DLG5: variants seen among roughly 807,000 people sequenced by gnomAD.
The protein encoded by DLG5 is discs large MAGUK scaffold protein 5, also known as disks large homolog 5.
A neutral mutation model predicts 189.8 loss-of-function variants in DLG5; 48 were observed. The observed-to-expected ratio is 0.25, with a 90% confidence interval of 0.20 to 0.32. The LOEUF (loss-of-function observed/expected upper bound fraction) is 0.32. Ranked by LOEUF, DLG5 falls within the 10% of genes least tolerant of loss-of-function variation. The pLI is 1.00. For missense variants in DLG5, 2,160 were observed against 2,544.7 expected (o/e 0.85, Z 3.25); for synonymous variants, 1,016 against 1,054.1 (o/e 0.96, Z 0.70).
At chr10:77,813,180 C>T (rs1841868433) in intron 20 of DLG5, among the ~76,000 whole-genome samples, 1 of 152,238 alleles carries the variant, frequency 6.6e-6, no homozygotes, top group African/African-American at 2.4e-5. Context: ...GTTGGGACTT[C>T]ACGCCACTCA....
At chr10:77,820,354 A>G in intron 15 of DLG5, 2 of 189,084 alleles carry the variant, frequency 1.1e-5, no homozygotes, top group South Asian at 1.1e-4. Flanking sequence ...TTAGGGGAAA[A>G]AAAAAAAAAA....
chr10:77,933,590 G>A, the DLG5 span, among the ~76,000 whole-genome samples: 7 of 152,100 alleles, frequency 4.6e-5, no homozygotes, highest in Middle Eastern at 3.4e-3. Flanking sequence ...CACGGTGCCC[G>A]GCTTATCAGC....
chr10:77,827,636 G>A (rs1842702600), intron 13 of DLG5, among the ~76,000 whole-genome samples: 1 of 152,216 alleles, frequency 6.6e-6, no homozygotes, highest in South Asian at 2.1e-4. Flanking sequence ...TGTCTCCAGA[G>A]GCTCTGTGCA....
intron 31 of DLG5, 66 bp downstream of exon 31, chr10:77,793,942 A>G: frequency 6.9e-7 from 1 of 1,444,066 alleles, no homozygotes; most frequent in South Asian, 1.1e-5. Flanking sequence ...CTAAGAAAAC[A>G]GCCTTAGGAA....
At chr10:77,846,614 T>C in intron 5 of DLG5, 1 of 435,746 alleles carries the variant, frequency 2.3e-6, no homozygotes, top group Non-Finnish European at 4.6e-6. Flanking sequence ...GGAGAATTAC[T>C]TGAACCCAGG....
chr10:77,841,833 G>A (rs543206251), intron 7 of DLG5, 48 bp downstream of exon 7: 1 of 1,568,730 alleles, frequency 6.4e-7, no homozygotes, highest in South Asian at 1.2e-5. Flanking sequence ...CCTCTTCCCG[G>A]GATGCTGTAG....
In DLG5 at chr10:77,815,030, C is replaced by T. The variant is rs74140355; in HGVS notation, c.4025+1521G>A. On this transcript the variant is annotated intron_variant, in intron 20 of 31. Coordinates refer to ENST00000372391, the MANE Select transcript of DLG5 (RefSeq NM_004747.4). ...CTAACCACCGTGAGGGCAGGAGTCA[C>T]TCACATTTTTCTCCCTCCTGGAGCA... is the stretch of plus-strand genomic sequence containing the variant. Among the ~76,000 whole-genome samples, 1,508 of 152,250 alleles carry T rather than the reference C, an allele frequency of 9.9e-3. 25 individuals are homozygous for T. The highest frequency in any genetic ancestry group is 0.034 in the African/African-American group (1,410 of 41,558).
chr10:77,835,897 G>A lies in DLG5; in HGVS notation c.1463C>T (p.Ala488Val), dbSNP rs1843106240. 2 of 1,613,442 alleles carry A rather than the reference G, an allele frequency of 1.2e-6. No individual in the cohort carries two copies. Among genetic ancestry groups the A allele is most frequent in the South Asian group, 1.1e-5 (1 of 91,052 alleles). Residue 488 changes from alanine to valine, a missense_variant, in exon 8 of 32, where the codon GCT (alanine) becomes GTT (valine). Ala to Val is a moderately conservative substitution (Grantham distance 64, BLOSUM62 0). Transcript: ENST00000372391. ...RQIKDTVTMD[A>V]GRANKEVEIL... ...TTCAACCTCCTTGTTGGCTCTCCCA[G>A]CATCCATTGTCACCGTGTCTTTGAT...
intron 1 of DLG5, among the ~76,000 whole-genome samples, chr10:77,876,958 GCT>G (rs752070518): frequency 1.9e-4 from 29 of 151,230 alleles, no homozygotes; most frequent in Non-Finnish European, 2.7e-4. Flanking sequence ...AAACTTCTAG[GCT>G]CAAGCAATCT....
intron 1 of DLG5, among the ~76,000 whole-genome samples, chr10:77,887,106 A>G (rs1466573221): frequency 1.3e-5 from 2 of 152,218 alleles, no homozygotes; most frequent in Non-Finnish European, 2.9e-5. Context: ...CAATACAGAC[A>G]TCACCCACAT....
intron 1 of DLG5, among the ~76,000 whole-genome samples, chr10:77,913,044 C>T (rs1846268098): frequency 6.6e-6 from 1 of 152,064 alleles, no homozygotes; most frequent in Admixed American, 6.6e-5. Context: ...TGGCTCTCAC[C>T]TAAGAGTGCA....
At chr10:77,888,293 A>G (rs1845501980) in intron 1 of DLG5, among the ~76,000 whole-genome samples, 1 of 152,206 alleles carries the variant, frequency 6.6e-6, no homozygotes, top group Non-Finnish European at 1.5e-5. Context: ...CCTCCTGGGC[A>G]GCAGCCTCAG....
chr10:77,919,757 T>C (rs1254297829), intron 1 of DLG5, among the ~76,000 whole-genome samples: 1 of 152,064 alleles, frequency 6.6e-6, no homozygotes, highest in East Asian at 1.9e-4. Flanking sequence ...CAGTACCTGA[T>C]GGGCAACCTT....
At position 77,817,758 on chromosome 10, in the gene DLG5, G is replaced by T; in HGVS notation, c.3784+19C>A. The T allele has an allele frequency of 1.3e-6, 2 of 1,547,796 alleles. No individual in the cohort carries two copies. Among genetic ancestry groups the T allele is most frequent in the African/African-American group, 2.7e-5 (2 of 73,130 alleles). On this transcript the variant is annotated intron_variant, in intron 18 of 31. Transcript: ENST00000372391. ...AGCTTGGCACCCTCTGCAGCACAAA[G>T]TCCAAGTGGTGCAGTTACCCAGGCG...
At chr10:77,843,807 G>A in intron 5 of DLG5, 101 bp from the exon 6 acceptor site, 9 of 1,495,760 alleles carry the variant, frequency 6.0e-6, no homozygotes, top group Non-Finnish European at 5.5e-6. Context: ...CTGATGACAA[G>A]GCGGTTGGGG....
intron 1 of DLG5, among the ~76,000 whole-genome samples, chr10:77,924,260 C>T (rs554506555): frequency 6.6e-6 from 1 of 152,302 alleles, no homozygotes; most frequent in South Asian, 2.1e-4. Context: ...TCACATAACT[C>T]TGCATTGTGG....
chr10:77,905,427 T>C (rs1321372424), intron 1 of DLG5, among the ~76,000 whole-genome samples: 2 of 152,372 alleles, frequency 1.3e-5, no homozygotes, highest in Non-Finnish European at 2.9e-5. Flanking sequence ...CAAGCACTGC[T>C]GATGCATATT....
At chr10:77,798,992 T>C (rs1031539151) in intron 27 of DLG5, among the ~76,000 whole-genome samples, 2 of 152,212 alleles carry the variant, frequency 1.3e-5, no homozygotes, top group African/African-American at 2.4e-5. Flanking sequence ...AAAATGTTAA[T>C]GGTTAAAAAA....
Position 77,854,318 on chromosome 10 carries a change from G to A in DLG5, c.589C>T (p.Arg197Ter). The A allele has an allele frequency of 3.7e-6, 6 of 1,613,984 alleles. No homozygotes were observed. Among genetic ancestry groups the A allele is most frequent in the Non-Finnish European group, 4.2e-6 (5 of 1,180,040 alleles). ...DYERLKIQCV[R>*]AMSDLQSLQN... ...AGGCTCTGCAGGTCCGACATGGCTCGCACGCACTGGATCTTCAGCCTCTCA... is the reference window on the plus strand; with the variant it reads ...AGGCTCTGCAGGTCCGACATGGCTCACACGCACTGGATCTTCAGCCTCTCA... Residue 197 changes from arginine to a stop codon, truncating the protein, a stop_gained, in exon 4 of 32, where the codon CGA becomes TGA. Coordinates refer to ENST00000372391, the MANE Select transcript of DLG5 (RefSeq NM_004747.4). LOFTEE classifies it high-confidence loss of function.
Sources: gnomAD v4.1 joint callset for allele counts (sites outside exome capture counted in the v4.1 genomes callset) on GRCh38, gnomAD v4.1.1 for gene constraint, MANE v1.5 for transcripts, NCBI Gene and HGNC (gene_info 2026-07-23, HGNC 2026-07-21) for gene names.